The following PRAG1 variants were observed in gnomAD, a reference collection of about 807,000 sequenced individuals.
The protein encoded by PRAG1 is inactive tyrosine-protein kinase PRAG1.
Under a neutral mutation model 95.6 loss-of-function variants are expected in PRAG1, and 110 were observed. The ratio of observed to expected loss-of-function variants is 1.15; its 90% CI spans 0.99 to 1.35. The LOEUF (loss-of-function observed/expected upper bound fraction) is 1.35, where lower values mean the gene tolerates loss of function less well. Ranked by LOEUF, PRAG1 falls within the 40% of genes most tolerant of loss-of-function variation. PRAG1 has a pLI of 0.00. For synonymous variants in PRAG1, 1,052 were observed against 819.4 expected, an observed-to-expected ratio of 1.28 and a Z score of -4.85; for missense variants, 2,554 against 1,864.7, an observed-to-expected ratio of 1.37 and a Z score of -6.81.
chr8:8,352,533 C>A (rs1427143293), intron 3 of PRAG1, among the ~76,000 whole-genome samples: 7 of 152,202 alleles, frequency 4.6e-5, no homozygotes, highest in African/African-American at 1.7e-4. Context: ...TTCTTAGTCA[C>A]CATACTCATC....
intron 5 of PRAG1, among the ~76,000 whole-genome samples, chr8:8,319,769 A>C (rs1331086245): frequency 2.0e-5 from 3 of 152,242 alleles, no homozygotes; most frequent in African/African-American, 7.2e-5. Flanking sequence ...AAACAAACAA[A>C]AAAACGTGGG....
intron 5 of PRAG1, among the ~76,000 whole-genome samples, chr8:8,323,342 A>C (rs1798531304): frequency 7.4e-6 from 1 of 134,484 alleles, no homozygotes; most frequent in Non-Finnish European, 1.5e-5. Context: ...TTTTTGAGAT[A>C]GAGTCTTGCT....
Position 8,376,286 on chromosome 8 carries a change from A to G in PRAG1, c.2123T>C (p.Ile708Thr). 6.2e-7 allele frequency: 1 copy of G among 1,614,112 alleles called. No homozygotes were observed. The highest frequency in any genetic ancestry group is 1.3e-5 in the African/African-American group (1 of 75,044). Residue 708 changes from isoleucine to threonine, a missense_variant, in exon 3 of 6, where the codon ATT (isoleucine) becomes ACT (threonine). Coordinates refer to ENST00000615670, the MANE Select transcript of PRAG1 (RefSeq NM_001080826.3). ...AFEFPKDRSG[I>T]ETFSPPPPPP... Reference sequence around the variant, plus strand: ...CGGAGGAGGAGGTGAGAATGTCTCAATCCCACTTCTGTCCTTGGGGAACTC... The same window carrying G: ...CGGAGGAGGAGGTGAGAATGTCTCAGTCCCACTTCTGTCCTTGGGGAACTC...
intron 3 of PRAG1, among the ~76,000 whole-genome samples, chr8:8,364,022 A>T (rs180956280): frequency 1.3e-5 from 2 of 152,280 alleles, no homozygotes; most frequent in Admixed American, 6.5e-5. Flanking sequence ...GACTTGCTCT[A>T]ACTCCCTGCT....
At position 8,328,317 on chromosome 8, in the gene PRAG1, C is replaced by T. The variant is rs1252535322; in HGVS notation, c.2465G>A (p.Ser822Asn). Reference protein sequence around the residue: ...PPPLPQKKIVSRAASSPDGFF... With the variant: ...PPPLPQKKIVNRAASSPDGFF... Reference sequence around the variant, plus strand: ...GCCATCCGGTGAAGAGGCTGCCCGGCTCACTATCTTTTTCTGGGGGAGTGG... The same window carrying T: ...GCCATCCGGTGAAGAGGCTGCCCGGTTCACTATCTTTTTCTGGGGGAGTGG... Residue 822 changes from serine (S) to asparagine (N), a missense_variant, in exon 5 of 6, where the codon AGC becomes AAC. Ser to Asn is a conservative substitution (Grantham distance 46). Transcript: ENST00000615670. 1.2e-6 allele frequency: 2 copies of T among 1,613,636 alleles called. No individual in the cohort carries two copies. Among genetic ancestry groups the T allele is most frequent in the African/African-American group, 2.7e-5 (2 of 74,860 alleles).
chr8:8,323,167 T>C (rs1045260935), intron 5 of PRAG1, among the ~76,000 whole-genome samples: 1 of 152,148 alleles, frequency 6.6e-6, no homozygotes, highest in South Asian at 2.1e-4. Context: ...ACATGCACAT[T>C]GGGTGATATG....
At chr8:8,368,009 C>A (rs2116909532) in intron 3 of PRAG1, among the ~76,000 whole-genome samples, 1 of 152,276 alleles carries the variant, frequency 6.6e-6, no homozygotes, top group East Asian at 1.9e-4. Flanking sequence ...AGAAGCTATT[C>A]TGAAGAGCTT....
intron 1 of PRAG1, 33 bp from the exon 2 acceptor site, chr8:8,381,867 T>C: frequency 1.3e-6 from 1 of 743,654 alleles, no homozygotes; most frequent in Non-Finnish European, 2.1e-6. Flanking sequence ...TGATTAGAGA[T>C]TTGCCATGCC....
At chr8:8,332,046 C>T (rs946438370) in intron 4 of PRAG1, among the ~76,000 whole-genome samples, 5 of 152,200 alleles carry the variant, frequency 3.3e-5, no homozygotes, top group South Asian at 2.1e-4. Context: ...TCCCTATCCA[C>T]GCCCTTGCCC....
intron 4 of PRAG1, among the ~76,000 whole-genome samples, chr8:8,339,180 G>A (rs991316009): frequency 9.2e-5 from 14 of 152,088 alleles, no homozygotes; most frequent in African/African-American, 3.4e-4. Context: ...TAAAAAGCAG[G>A]CCTGTACACA....
In PRAG1 at chr8:8,355,762, C is replaced by T. The variant is rs188549191; in HGVS notation, c.2163-16127G>A. ...AACTGAACCCTTATCTTATATCATA[C>T]ACAAACATAAACTCAAAATGGATAG... On this transcript the variant is annotated intron_variant, in intron 3 of 5. Coordinates refer to ENST00000615670, the MANE Select transcript of PRAG1 (RefSeq NM_001080826.3). 5.5e-4 allele frequency among the ~76,000 whole-genome samples: 82 copies of T among 149,828 alleles called. No individual in the cohort carries two copies. The East Asian group carries it at 0.014, about 26-fold the overall frequency.
intron 5 of PRAG1, among the ~76,000 whole-genome samples, chr8:8,322,752 C>T (rs973062829): frequency 6.6e-6 from 1 of 152,198 alleles, no homozygotes; most frequent in Non-Finnish European, 1.5e-5. Flanking sequence ...TCCAGACATT[C>T]CTTTCTATTG....
chr8:8,352,519 C>G (rs1391937633), intron 3 of PRAG1, among the ~76,000 whole-genome samples: 2 of 152,206 alleles, frequency 1.3e-5, no homozygotes, highest in Non-Finnish European at 2.9e-5. Context: ...CACTTTTATT[C>G]ATCTTCTTAG....
chr8:8,320,442 G>A (rs1240604459), intron 5 of PRAG1, among the ~76,000 whole-genome samples: 1 of 152,104 alleles, frequency 6.6e-6, no homozygotes, highest in Non-Finnish European at 1.5e-5. Flanking sequence ...AGCCACCTGG[G>A]GATCTCTAGC....
At chr8:8,384,320 G>C (rs926769249) in intron 1 of PRAG1, among the ~76,000 whole-genome samples, 2 of 152,084 alleles carry the variant, frequency 1.3e-5, no homozygotes, top group African/African-American at 4.8e-5. Flanking sequence ...CAAAGGGAGT[G>C]TGGAAGGATC....
chr8:8,351,710 C>G (rs1799528251), intron 3 of PRAG1, among the ~76,000 whole-genome samples: 1 of 152,178 alleles, frequency 6.6e-6, no homozygotes, highest in South Asian at 2.1e-4. Context: ...TTGCTTAGCT[C>G]TATCACTTCG....
At chr8:8,380,315 T>C (rs979980306) in intron 2 of PRAG1, among the ~76,000 whole-genome samples, 1 of 149,408 alleles carries the variant, frequency 6.7e-6, no homozygotes, top group African/African-American at 2.5e-5. Flanking sequence ...ACTAAAAAAA[T>C]AGGCCAGGCG....
chr8:8,334,205 G>A (rs1798914163), intron 4 of PRAG1, among the ~76,000 whole-genome samples: 1 of 152,168 alleles, frequency 6.6e-6, no homozygotes, highest in Non-Finnish European at 1.5e-5. Flanking sequence ...GTACTTTGGT[G>A]AGCTGAGGCA....
At chr8:8,324,556 AT>A (rs1798575254) in intron 5 of PRAG1, among the ~76,000 whole-genome samples, 1 of 151,994 alleles carries the variant, frequency 6.6e-6, no homozygotes, top group Admixed American at 6.5e-5. Context: ...CTTTTTCTCC[AT>A]CTCCATCTCC....
Sources: allele counts gnomAD v4.1 joint callset (sites outside exome capture counted in the v4.1 genomes callset), GRCh38; gene constraint gnomAD v4.1.1; transcripts MANE v1.5; gene names NCBI Gene and HGNC (gene_info 2026-07-23, HGNC 2026-07-21).